The following LRTM3 variants were observed in gnomAD, a reference collection of about 807,000 sequenced individuals.
The protein encoded by LRTM3 is leucine rich repeat transmembrane protein 3.
At chr13:102,755,942 C>CATAT in the LRTM3 span, among the ~76,000 whole-genome samples, 1,070 of 52,726 alleles carry the variant, frequency 0.02, 21 homozygotes, top group Non-Finnish European at 0.035. Context: ...TATATATATA[C>CATAT]ATATATATAT....
the LRTM3 span, chr13:102,743,143 T>C: frequency 7.1e-6 from 11 of 1,550,476 alleles, no homozygotes; most frequent in Non-Finnish European, 9.6e-6. Context: ...CTGTAAGATG[T>C]TCTTGCTTCT....
chr13:102,758,874 G>A, the LRTM3 span: 1 of 1,549,906 alleles, frequency 6.5e-7, no homozygotes, highest in African/African-American at 1.4e-5. Flanking sequence ...TGTCATGAAT[G>A]TATTATCTTC....
At chr13:102,750,334 CT>C in the LRTM3 span, 1 of 1,542,336 alleles carries the variant, frequency 6.5e-7, no homozygotes, top group Non-Finnish European at 8.8e-7. Flanking sequence ...AGTTACATTC[CT>C]TTTCTTCAGA....
chr13:102,733,687 T>G, the LRTM3 span: 4 of 1,551,332 alleles, frequency 2.6e-6, no homozygotes, highest in African/African-American at 5.5e-5. Context: ...TTTTCCCACT[T>G]CTTATGGTAC....
chr13:102,747,502 TA>T, the LRTM3 span: 52 of 1,550,658 alleles, frequency 3.4e-5, no homozygotes, highest in African/African-American at 5.9e-4. Context: ...TAAAATATGG[TA>T]AAGTAAGCAA....
the LRTM3 span, chr13:102,737,815 T>C: frequency 6.4e-7 from 1 of 1,551,040 alleles, no homozygotes; most frequent in East Asian, 2.4e-5. Flanking sequence ...GTCTGATTAT[T>C]CCTTGTTGGT....
chr13:102,745,203 G>A, the LRTM3 span: 1 of 1,550,860 alleles, frequency 6.4e-7, no homozygotes, highest in Non-Finnish European at 8.7e-7. Flanking sequence ...ATGAAATGTT[G>A]CAGGTGCTGT....
the LRTM3 span, chr13:102,758,684 T>C: frequency 6.6e-7 from 1 of 1,523,544 alleles, no homozygotes; most frequent in African/African-American, 1.4e-5. Context: ...AAAGGGGAAA[T>C]CAACCATTTA....
the LRTM3 span, chr13:102,739,185 T>C: frequency 6.5e-7 from 1 of 1,549,852 alleles, no homozygotes; most frequent in East Asian, 2.4e-5. Context: ...TGCGTCATTT[T>C]CTCTAGTTTT....
the LRTM3 span, among the ~76,000 whole-genome samples, chr13:102,756,140 A>T: frequency 6.6e-6 from 1 of 150,680 alleles, no homozygotes; most frequent in Non-Finnish European, 1.5e-5. Flanking sequence ...TTTAGTAGAG[A>T]TGGGGTTTCA....
At chr13:102,739,085 T>C in the LRTM3 span, 3 of 1,550,508 alleles carry the variant, frequency 1.9e-6, no homozygotes, top group Non-Finnish European at 2.6e-6. Context: ...GTATACCTCT[T>C]TTATTCTAGG....
chr13:102,731,396 T>C, the LRTM3 span: 8 of 1,551,404 alleles, frequency 5.2e-6, no homozygotes, highest in African/African-American at 1.4e-5. Context: ...CCTTGCCATC[T>C]CTGGTATCAG....
At chr13:102,739,167 C>G in the LRTM3 span, 1 of 1,549,908 alleles carries the variant, frequency 6.5e-7, no homozygotes, top group South Asian at 1.2e-5. Context: ...AGATTACTTT[C>G]ATCTTCCTGC....
At chr13:102,736,973 TGA>T in the LRTM3 span, 6 of 1,551,032 alleles carry the variant, frequency 3.9e-6, 1 homozygote, top group South Asian at 7.1e-5. Context: ...TAATTTACAG[TGA>T]GATAGAGAAG....
the LRTM3 span, chr13:102,732,946 A>C: frequency 1.3e-6 from 2 of 1,551,458 alleles, no homozygotes; most frequent in Non-Finnish European, 8.7e-7. Context: ...GGGACTTCGG[A>C]AGAAATTCCA....
chr13:102,745,763 T>G, the LRTM3 span: 1 of 1,551,208 alleles, frequency 6.4e-7, no homozygotes, highest in Non-Finnish European at 8.7e-7. Context: ...AAATATGATT[T>G]CATCAACCTT....
the LRTM3 span, chr13:102,732,803 T>A: frequency 6.4e-7 from 1 of 1,551,418 alleles, no homozygotes; most frequent in Non-Finnish European, 8.7e-7. Context: ...TAATTTCCCT[T>A]CTTTCTGATT....
At chr13:102,746,786 G>T in the LRTM3 span, 365 of 1,551,162 alleles carry the variant, frequency 2.4e-4, no homozygotes, top group African/African-American at 4.5e-3. Context: ...TCCATTACTT[G>T]GAATATAACT....
At chr13:102,752,987 A>G in the LRTM3 span, among the ~76,000 whole-genome samples, 1 of 152,212 alleles carries the variant, frequency 6.6e-6, no homozygotes, top group Non-Finnish European at 1.5e-5. Context: ...CACCATGGAC[A>G]TGCATATACA....
Sources: gnomAD v4.1 joint callset for allele counts (sites outside exome capture counted in the v4.1 genomes callset) on GRCh38, gnomAD v4.1.1 for gene constraint, MANE v1.5 for transcripts, NCBI Gene and HGNC (gene_info 2026-07-23, HGNC 2026-07-21) for gene names.